Variants in PLXDC2 observed in about 807,000 individuals in gnomAD.
The protein encoded by PLXDC2 is plexin domain containing 2.
PLXDC2 carries 40 observed loss-of-function variants against 68.9 expected under a neutral mutation model. The ratio of observed to expected loss-of-function variants is 0.58; its 90% CI spans 0.45 to 0.76. The LOEUF is 0.76. PLXDC2 is among the 30% of genes least tolerant of loss of function. The probability of loss-of-function intolerance (pLI) is 0.00; values close to 1 mark genes in which losing one functional copy is unlikely to be tolerated. For synonymous variants in PLXDC2, 243 were observed against 234.2 expected (o/e 1.04, Z -0.34); for missense variants, 644 against 661.9 (o/e 0.97, Z 0.30).
chr10:20,154,082 A>G (rs1046577471), intron 6 of PLXDC2, among the ~76,000 whole-genome samples: 1 of 152,156 alleles, frequency 6.6e-6, no homozygotes, highest in Non-Finnish European at 1.5e-5. Flanking sequence ...TCTTAAATAC[A>G]TGGAGTTTGG....
At chr10:20,249,846 C>A (rs1316823305) in intron 13 of PLXDC2, among the ~76,000 whole-genome samples, 1 of 152,136 alleles carries the variant, frequency 6.6e-6, no homozygotes, top group Non-Finnish European at 1.5e-5. Flanking sequence ...CAAGATATGT[C>A]CCAGTTTCAA....
chr10:20,209,503 G>A (rs1417222878), intron 9 of PLXDC2, among the ~76,000 whole-genome samples: 1 of 146,648 alleles, frequency 6.8e-6, no homozygotes, highest in Non-Finnish European at 1.5e-5. Flanking sequence ...TTGTGCACAT[G>A]TACCCTAAAA....
Position 20,044,610 on chromosome 10 carries a change from T to G in PLXDC2, c.325-2259T>G, listed in dbSNP as rs529461569. On this transcript the variant is annotated intron_variant, in intron 2 of 13. Transcript: ENST00000377252. ...CAGGCATGAGCCACCGCGTCCAGCC[T>G]GCAATTCTTTCTTTAGCTATGTGTT... 1.8e-4 allele frequency among the ~76,000 whole-genome samples: 28 copies of G among 151,930 alleles called. 1 individual carries two copies. In the South Asian group the frequency reaches 5.8e-3, roughly 32 times the overall value.
chr10:20,061,768 A>G (rs1836108696), intron 3 of PLXDC2, among the ~76,000 whole-genome samples: 1 of 152,256 alleles, frequency 6.6e-6, no homozygotes, highest in African/African-American at 2.4e-5. Context: ...TTATTTTAAT[A>G]TAACAAAAAT....
At chr10:19,892,921 CT>C (rs61406547) in intron 1 of PLXDC2, among the ~76,000 whole-genome samples, 11,094 of 130,414 alleles carry the variant, frequency 0.085, 839 homozygotes, top group African/African-American at 0.23. Context: ...TTGAAATGGT[CT>C]TTTTTTTTTT....
chr10:20,151,108 T>C (rs1366304933), intron 6 of PLXDC2, among the ~76,000 whole-genome samples: 4 of 152,230 alleles, frequency 2.6e-5, no homozygotes, highest in African/African-American at 9.6e-5. Flanking sequence ...TTTTCTAGTC[T>C]ACCACTTTTT....
intron 9 of PLXDC2, among the ~76,000 whole-genome samples, chr10:20,207,537 G>A (rs1049998396): frequency 6.6e-6 from 1 of 152,258 alleles, no homozygotes. Flanking sequence ...TATGGTTATG[G>A]TCAGGTGGCT....
At position 20,034,514 on chromosome 10, in the gene PLXDC2, G is replaced by A. The variant is rs978390730; in HGVS notation, c.325-12355G>A. On this transcript the variant is annotated intron_variant, in intron 2 of 13. Coordinates refer to ENST00000377252, the MANE Select transcript of PLXDC2 (RefSeq NM_032812.9). ...ACATATAAAATTCAGTAAAAAGGGA[G>A]TTTTCAGAATATCATTTATTTGTAA... Among the ~76,000 whole-genome samples, 3 of 152,232 alleles carry A rather than the reference G, an allele frequency of 2.0e-5. No homozygotes were observed. In the South Asian group the frequency reaches 6.2e-4, roughly 32 times the overall value.
intron 4 of PLXDC2, among the ~76,000 whole-genome samples, chr10:20,114,794 G>A (rs1833601556): frequency 6.6e-6 from 1 of 152,178 alleles, no homozygotes; most frequent in African/African-American, 2.4e-5. Context: ...GATACATCTG[G>A]AGGGGTGGTG....
chr10:20,079,779 G>A lies in PLXDC2; in HGVS notation c.541+11540G>A, dbSNP rs1251955274. On this transcript the variant is annotated intron_variant, in intron 4 of 13. Coordinates refer to ENST00000377252, the MANE Select transcript of PLXDC2 (RefSeq NM_032812.9). The stretch of plus-strand genomic sequence containing the variant: ...AGGGGAACATCACACAATGGGGCCC[G>A]TCAGGGGGTAGGGGACAAGGGGAGG... 2.0e-5 allele frequency among the ~76,000 whole-genome samples: 3 copies of A among 152,160 alleles called. No homozygotes were observed. The East Asian group carries it at 5.8e-4, about 29-fold the overall frequency.
rs1215904343 is a variant in PLXDC2, at chr10:20,282,255, T to G, written c.*2436T>G. ...AATTCTTTAGTGGTAAGGGGAAATG[T>G]GGGCTAAATCCTTTTCTTTCATGAA... On this transcript the variant is annotated 3_prime_UTR_variant, in exon 14 of 14. Transcript: ENST00000377252. 1 of 152,148 alleles carries G rather than the reference T, an allele frequency of 6.6e-6. No individual in the cohort carries two copies. The highest frequency in any genetic ancestry group is 1.5e-5 in the Non-Finnish European group (1 of 68,020). 9.4% of individuals were successfully genotyped at this position (152,148 alleles called of 1,614,324 possible). A position where few individuals can be genotyped will look rare whatever the true frequency, so the allele number is the denominator to read the frequency against.
chr10:20,020,532 A>G (rs1009496423), intron 2 of PLXDC2, among the ~76,000 whole-genome samples: 1 of 150,324 alleles, frequency 6.7e-6, no homozygotes, highest in African/African-American at 2.4e-5. Flanking sequence ...AACCACCTGT[A>G]TATATGTATC....
chr10:20,046,813 A>G, intron 2 of PLXDC2, 56 bp from the exon 3 acceptor site: 3 of 1,502,234 alleles, frequency 2.0e-6, no homozygotes, highest in Non-Finnish European at 1.8e-6. Flanking sequence ...TTTTTTTTAA[A>G]GAATTGTAGG....
intron 12 of PLXDC2, among the ~76,000 whole-genome samples, chr10:20,228,577 A>G (rs1192344472): frequency 6.9e-6 from 1 of 145,686 alleles, no homozygotes; most frequent in African/African-American, 2.5e-5. Flanking sequence ...AAAAATAAGA[A>G]AAAAGGCAGG....
At chr10:20,092,346 G>A (rs949114356) in intron 4 of PLXDC2, among the ~76,000 whole-genome samples, 1 of 152,096 alleles carries the variant, frequency 6.6e-6, no homozygotes, top group Non-Finnish European at 1.5e-5. Context: ...GGAAATGTAT[G>A]CTATTGACTT....
chr10:20,059,339 G>GC (rs34502764), intron 3 of PLXDC2, among the ~76,000 whole-genome samples: 117,803 of 152,088 alleles, frequency 0.77, 45,956 homozygotes, highest in East Asian at 0.9. Flanking sequence ...CTCAGCGTTT[G>GC]CAAGTACAGG....
intron 12 of PLXDC2, among the ~76,000 whole-genome samples, chr10:20,221,283 G>A (rs1835209009): frequency 6.8e-6 from 1 of 146,634 alleles, no homozygotes; most frequent in Non-Finnish European, 1.5e-5. Context: ...ATAAAACTTC[G>A]AAGATTTTCT....
chr10:19,878,852 A>C (rs933141414), intron 1 of PLXDC2, among the ~76,000 whole-genome samples: 4 of 152,194 alleles, frequency 2.6e-5, no homozygotes, highest in Non-Finnish European at 5.9e-5. Context: ...TCTGGGTGTC[A>C]TAGTATTTTA....
intron 4 of PLXDC2, among the ~76,000 whole-genome samples, chr10:20,098,295 A>T (rs576511298): frequency 6.7e-6 from 1 of 150,228 alleles, no homozygotes; most frequent in East Asian, 2.0e-4. Flanking sequence ...CATCACTCCA[A>T]TCCTCAAGAC....
Sources: gnomAD v4.1 joint callset for allele counts (sites outside exome capture counted in the v4.1 genomes callset) on GRCh38, gnomAD v4.1.1 for gene constraint, MANE v1.5 for transcripts, NCBI Gene and HGNC (gene_info 2026-07-23, HGNC 2026-07-21) for gene names.